The following RIPK1 variants were observed in gnomAD, a reference collection of about 807,000 sequenced individuals.
RIPK1 encodes receptor interacting serine/threonine kinase 1, also known as receptor-interacting serine/threonine-protein kinase 1.
Under a neutral mutation model 62.4 loss-of-function variants are expected in RIPK1, and 27 were observed. The observed-to-expected ratio is 0.43, with a 90% CI of 0.32 to 0.60. The LOEUF (loss-of-function observed/expected upper bound fraction) is 0.60, where lower values mean the gene tolerates loss of function less well. Among genes scored for constraint, RIPK1 ranks in the 20% least tolerant of loss-of-function variants. RIPK1 has a pLI of 0.07. For missense variants in RIPK1, 735 were observed against 831.0 expected, an observed-to-expected ratio of 0.88 and a Z score of 1.42; for synonymous variants, 287 against 303.2, an observed-to-expected ratio of 0.95 and a Z score of 0.55.
chr6:3,112,626 G>C (rs1761221477), intron 10 of RIPK1, among the ~76,000 whole-genome samples: 1 of 152,192 alleles, frequency 6.6e-6, no homozygotes, highest in African/African-American at 2.4e-5. Context: ...GAACTCCTGA[G>C]TTCAAGTGAT....
chr6:3,064,939 G>T (rs190395677), upstream of RIPK1, among the ~76,000 whole-genome samples: 62 of 152,160 alleles, frequency 4.1e-4, no homozygotes, highest in East Asian at 0.01. Context: ...GGAAGGACAA[G>T]AGGATTAAGA....
chr6:3,075,012 C>T (rs1253882022), intron 1 of RIPK1, among the ~76,000 whole-genome samples: 2 of 152,216 alleles, frequency 1.3e-5, no homozygotes, highest in African/African-American at 4.8e-5. Context: ...ACAAAACATC[C>T]ATAGCCCTCC....
rs946597177 is a variant in RIPK1, at chr6:3,072,030, A to G, written c.-61+3369A>G. Among the ~76,000 whole-genome samples the G allele has an allele frequency of 1.3e-5, 2 of 152,162 alleles. No homozygotes were observed. The highest frequency in any genetic ancestry group is 2.9e-5 in the Non-Finnish European group (2 of 68,014). On this transcript the variant is annotated intron_variant, in intron 1 of 10. Transcript: ENST00000259808. This position sits in a 1 kb window ranked among gnomAD's most constrained non-coding sequence, Gnocchi z 5.6. The stretch of plus-strand genomic sequence containing the variant: ...ATTCTTTCACAACATCGCTTTTGCA[A>G]ACTGCTAGATATATTTCAGTGTTGA...
At chr6:3,108,185 T>C (rs1760959050) in intron 9 of RIPK1, among the ~76,000 whole-genome samples, 1 of 151,858 alleles carries the variant, frequency 6.6e-6, no homozygotes, top group Admixed American at 6.6e-5. Flanking sequence ...CTGCTTGAAG[T>C]GAGGTTAGAA....
rs994950141 is a variant in RIPK1, at chr6:3,072,311, T to C, written c.-61+3650T>C. 2.6e-5 allele frequency among the ~76,000 whole-genome samples: 4 copies of C among 152,206 alleles called. No homozygotes were observed. The highest frequency in any genetic ancestry group is 5.9e-5 in the Non-Finnish European group (4 of 68,034). ...GTAAAGAAGAAAGTAAAAATCAACCTATCATCAAGATACAATCCTTGTTAA... is the reference window on the plus strand; with the variant it reads ...GTAAAGAAGAAAGTAAAAATCAACCCATCATCAAGATACAATCCTTGTTAA... On this transcript the variant is annotated intron_variant, in intron 1 of 10. Coordinates refer to ENST00000259808, the MANE Select transcript of RIPK1 (RefSeq NM_001354930.2). This position sits in a 1 kb window ranked among gnomAD's most constrained non-coding sequence, Gnocchi z 5.6.
intron 1 of RIPK1, among the ~76,000 whole-genome samples, chr6:3,073,809 C>T (rs1193376526): frequency 6.6e-6 from 1 of 152,142 alleles, no homozygotes; most frequent in Non-Finnish European, 1.5e-5. Context: ...CAAGGTATTT[C>T]TTTTTTCATT....
chr6:3,102,766 A>G (rs17548531), intron 7 of RIPK1, among the ~76,000 whole-genome samples: 4,081 of 151,942 alleles, frequency 0.027, 179 homozygotes, highest in African/African-American at 0.092. Flanking sequence ...ACGCCCGGCT[A>G]GTTTTTTGTA....
Position 3,087,119 on chromosome 6 carries a change from G to C in RIPK1, c.838+1711G>C, listed in dbSNP as rs142134102. Among the ~76,000 whole-genome samples, 44 of 152,126 alleles carry C rather than the reference G, an allele frequency of 2.9e-4. No homozygotes were observed. The East Asian group carries it at 8.1e-3, about 28-fold the overall frequency. On this transcript the variant is annotated intron_variant, in intron 6 of 10. Coordinates refer to ENST00000259808, the MANE Select transcript of RIPK1 (RefSeq NM_001354930.2). ...TCATTCTAAAATTTTTTTCCTTATA[G>C]GGAAGGTGTTATTTTTCTCTTGCTG...
chr6:3,101,769 G>GT (rs1760597769), intron 7 of RIPK1, among the ~76,000 whole-genome samples: 2 of 152,118 alleles, frequency 1.3e-5, no homozygotes, highest in African/African-American at 2.4e-5. Context: ...TAAGGAAAAA[G>GT]TTTTTTACTG....
chr6:3,083,363 C>T, intron 5 of RIPK1, 50 bp downstream of exon 5: 1 of 1,487,120 alleles, frequency 6.7e-7, no homozygotes, highest in East Asian at 2.4e-5. Context: ...TCTACACGCA[C>T]TGTGCCTGGA....
intron 2 of RIPK1, among the ~76,000 whole-genome samples, chr6:3,077,576 A>G (rs1481991257): frequency 6.6e-6 from 1 of 151,992 alleles, no homozygotes; most frequent in Non-Finnish European, 1.5e-5. Flanking sequence ...TTTTTGGAGC[A>G]TGCACTGCCA....
rs558445528 is a variant in RIPK1 at position 3,089,643 on chromosome 6, G to C, written c.901G>C (p.Val301Leu). ...ATTAGAAGAAAGTGTAGAAGAGGAC[G>C]TGAAGAGTTTAAAGGTAGGCAATAT... ...SQLEESVEED[V>L]KSLKKEYSNE... The change falls in exon 7 of 11, where the codon GTG becomes CTG. Residue 301 changes from valine (V) to leucine (L), a missense_variant. Val to Leu is a conservative substitution (Grantham distance 32, BLOSUM62 1). Transcript: ENST00000259808. The C allele has an allele frequency of 8.2e-6, 13 of 1,578,872 alleles. No homozygotes were observed. In the Admixed American group the frequency reaches 1.9e-4, roughly 23 times the overall value.
rs928824003 is a variant in RIPK1, at chr6:3,114,842, T to G, written c.*1503T>G. ...TCTCCCCAGCCCCCCGCCCCAGTTG[T>G]GACAATAGTCTCTAAACATTGTCAA... On this transcript the variant is annotated 3_prime_UTR_variant, in exon 11 of 11. Coordinates refer to ENST00000259808, the MANE Select transcript of RIPK1 (RefSeq NM_001354930.2). The surrounding 1 kb of genome is among the most constrained non-coding windows in gnomAD (Gnocchi z 5.0). 2.0e-5 allele frequency: 3 copies of G among 151,298 alleles called. No individual in the cohort carries two copies. The highest frequency in any genetic ancestry group is 7.3e-5 in the African/African-American group (3 of 40,980). 9.4% of individuals were successfully genotyped at this position (151,298 alleles called of 1,614,324 possible). A position where few individuals can be genotyped will look rare whatever the true frequency, so the allele number is the denominator to read the frequency against.
At chr6:3,084,123 C>A (rs1405183783) in intron 5 of RIPK1, among the ~76,000 whole-genome samples, 1 of 152,082 alleles carries the variant, frequency 6.6e-6, no homozygotes, top group African/African-American at 2.4e-5. Flanking sequence ...AACCCATCTG[C>A]CTTTCTCTGT....
At chr6:3,108,608 G>A (rs761742946) in intron 9 of RIPK1, among the ~76,000 whole-genome samples, 1 of 152,170 alleles carries the variant, frequency 6.6e-6, no homozygotes, top group Non-Finnish European at 1.5e-5. Flanking sequence ...TGTGCCTGGC[G>A]ATGCGCAGAG....
intron 10 of RIPK1, among the ~76,000 whole-genome samples, chr6:3,112,218 G>A (rs1471987369): frequency 1.3e-5 from 2 of 152,132 alleles, no homozygotes; most frequent in Non-Finnish European, 2.9e-5. Flanking sequence ...TGAAAGACAA[G>A]GAAGGCTTTG....
upstream of RIPK1, among the ~76,000 whole-genome samples, chr6:3,066,269 C>T (rs529127823): frequency 2.6e-5 from 4 of 152,290 alleles, no homozygotes; most frequent in South Asian, 8.3e-4. Flanking sequence ...GGCAATCCGC[C>T]CGACTTGGCC....
chr6:3,105,838 C>T lies in RIPK1; in HGVS notation c.1363C>T (p.Leu455Phe). Residue 455 changes from leucine (L) to phenylalanine (F), a missense_variant, in exon 9 of 11, where the codon CTC becomes TTC. Physicochemically the swap from Leu to Phe is conservative, Grantham distance 22 (BLOSUM62 0). This residue lies in a region of RIPK1 where 671 missense variants were observed against 726.2 expected (regional missense o/e 0.92). Coordinates refer to ENST00000259808, the MANE Select transcript of RIPK1 (RefSeq NM_001354930.2). This position sits in a 1 kb window ranked among gnomAD's most constrained non-coding sequence, Gnocchi z 4.5. ...TAATGCAGTGCACCAGCCCTCAGGG[C>T]TCACCAGCCAACCTCAAGTACTGTA... is the stretch of plus-strand genomic sequence containing the variant. Reference protein sequence around the residue: ...HGNAVHQPSGLTSQPQVLYQN... With the variant: ...HGNAVHQPSGFTSQPQVLYQN... 1.9e-6 allele frequency: 3 copies of T among 1,614,188 alleles called. No individual in the cohort carries two copies. Among genetic ancestry groups the T allele is most frequent in the Non-Finnish European group, 1.7e-6 (2 of 1,180,012 alleles).
In RIPK1 at chr6:3,068,563, G is replaced by A. The variant is rs1160846399; in HGVS notation, c.-159G>A. On this transcript the variant is annotated 5_prime_UTR_variant, in exon 1 of 11. Transcript: ENST00000259808. ...CAGCTGCCGGAGCGCGGCGACTCCA[G>A]GGGACCCACAGCTGGGGCGCCAGAG... is the stretch of plus-strand genomic sequence containing the variant. The A allele has an allele frequency of 1.0e-6, 1 of 985,400 alleles. No individual in the cohort carries two copies. The highest frequency in any genetic ancestry group is 4.7e-5 in the South Asian group (1 of 21,292). 61.0% of individuals were successfully genotyped at this position (985,400 alleles called of 1,614,324 possible).
Sources: gnomAD v4.1 joint callset for allele counts (sites outside exome capture counted in the v4.1 genomes callset) on GRCh38, gnomAD v4.1.1 for gene constraint, gnomAD v4.1.1 regional missense constraint, Gnocchi (gnomAD v3.1) non-coding constraint, MANE v1.5 for transcripts, NCBI Gene and HGNC (gene_info 2026-07-23, HGNC 2026-07-21) for gene names.